ASTN2: variants seen among roughly 807,000 people sequenced by gnomAD.
ASTN2 encodes the protein astrotactin 2.
ASTN2 carries 54 observed loss-of-function variants against 139.8 expected under a neutral mutation model. The observed-to-expected ratio is 0.39, with a 90% CI of 0.31 to 0.48. The LOEUF (loss-of-function observed/expected upper bound fraction) is 0.48, where lower values mean the gene tolerates loss of function less well. Among genes scored for constraint, ASTN2 ranks in the 20% least tolerant of loss-of-function variants. The probability of loss-of-function intolerance (pLI) is 0.95; values close to 1 mark genes in which losing one functional copy is unlikely to be tolerated. For synonymous variants in ASTN2, 756 were observed against 719.5 expected (o/e 1.05, Z -0.81); for missense variants, 1,565 against 1,725.1 (o/e 0.91, Z 1.64).
rs186663260 is a variant in ASTN2, at chr9:116,852,466, C to T, written c.2040+11117G>A. 4.4e-3 allele frequency among the ~76,000 whole-genome samples: 664 copies of T among 152,238 alleles called. 2 individuals carry two copies. The highest frequency in any genetic ancestry group is 6.8e-3 in the Non-Finnish European group (461 of 68,024). On this transcript the variant is annotated intron_variant, in intron 11 of 22. Transcript: ENST00000313400. ...TAACTAGCCCATCTCTCTCTAGGAACGTCTGTCACTCAGTTCGGGTAGAAT... is the reference window on the plus strand; with the variant it reads ...TAACTAGCCCATCTCTCTCTAGGAATGTCTGTCACTCAGTTCGGGTAGAAT...
chr9:116,521,658 T>A (rs1009900946), intron 19 of ASTN2, among the ~76,000 whole-genome samples: 1 of 151,980 alleles, frequency 6.6e-6, no homozygotes, highest in Non-Finnish European at 1.5e-5. Context: ...TAAATAGGAC[T>A]TACTTAAACT....
chr9:116,546,274 A>G (rs1587977172), intron 19 of ASTN2: 1 of 152,300 alleles, frequency 6.6e-6, no homozygotes, highest in East Asian at 1.9e-4. Flanking sequence ...ATTACAGATG[A>G]CATTCCTTAT....
At position 116,850,996 on chromosome 9, in the gene ASTN2, C is replaced by T. The variant is rs183852477; in HGVS notation, c.2040+12587G>A. Among the ~76,000 whole-genome samples the T allele has an allele frequency of 2.0e-5, 3 of 152,286 alleles. No individual in the cohort carries two copies. In the East Asian group the frequency reaches 5.8e-4, roughly 29 times the overall value. ...TATGGACTCTTTGCTAGTTAGGACA[C>T]AGTATCTTTCTAATGTTAGGGCCCA... On this transcript the variant is annotated intron_variant, in intron 11 of 22. Transcript: ENST00000313400.
intron 16 of ASTN2, among the ~76,000 whole-genome samples, chr9:116,706,698 A>T (rs913823578): frequency 6.6e-6 from 1 of 151,026 alleles, no homozygotes; most frequent in African/African-American, 2.4e-5. Context: ...CTAGGAGATG[A>T]CCACTACCAC....
At chr9:116,898,625 C>G (rs903640334) in intron 10 of ASTN2, among the ~76,000 whole-genome samples, 4 of 152,098 alleles carry the variant, frequency 2.6e-5, no homozygotes, top group Non-Finnish European at 4.4e-5. Flanking sequence ...GCTCTCTTAT[C>G]TGTGTTTTTT....
At chr9:116,638,290 C>A (rs1857168706) in intron 17 of ASTN2, among the ~76,000 whole-genome samples, 1 of 152,158 alleles carries the variant, frequency 6.6e-6, no homozygotes, top group Admixed American at 6.5e-5. Context: ...CCATCTCATG[C>A]AATACAGTAT....
At chr9:116,601,043 C>T (rs1392653938) in intron 19 of ASTN2, among the ~76,000 whole-genome samples, 1 of 152,110 alleles carries the variant, frequency 6.6e-6, no homozygotes, top group Non-Finnish European at 1.5e-5. Flanking sequence ...CCTGCCTTCA[C>T]CAACCAAAAT....
chr9:117,094,144 G>A (rs62562215), intron 5 of ASTN2, among the ~76,000 whole-genome samples: 1 of 48,330 alleles, frequency 2.1e-5, no homozygotes, highest in Non-Finnish European at 4.7e-5. Context: ...CTAAGGGAGG[G>A]AGGGAGGGAG....
chr9:117,184,363 G>T (rs1831146883), intron 3 of ASTN2, among the ~76,000 whole-genome samples: 1 of 152,194 alleles, frequency 6.6e-6, no homozygotes, highest in African/African-American at 2.4e-5. Flanking sequence ...GTGATGAACA[G>T]CGCCAATCAG....
At chr9:117,115,031 A>G (rs1442601126) in intron 4 of ASTN2, among the ~76,000 whole-genome samples, 1 of 152,172 alleles carries the variant, frequency 6.6e-6, no homozygotes, top group Non-Finnish European at 1.5e-5. Flanking sequence ...CCCCGAAGCA[A>G]GAACTGCCCA....
chr9:116,698,129 G>C lies in ASTN2; in HGVS notation c.2806+27642C>G. The C allele has an allele frequency of 6.2e-7, 1 of 1,614,142 alleles. No individual in the cohort carries two copies. Among genetic ancestry groups the C allele is most frequent in the Non-Finnish European group, 8.5e-7 (1 of 1,180,028 alleles). On this transcript the variant is annotated intron_variant, in intron 16 of 22. Transcript: ENST00000313400. This position sits in a 1 kb window ranked among gnomAD's most constrained non-coding sequence, Gnocchi z 4.4. Reference sequence around the variant, plus strand: ...AGCCCTGCCGGGAGGCAGACCATCAGCCTCCTGGCCACTGTACACTCCCTG... The same window carrying C: ...AGCCCTGCCGGGAGGCAGACCATCACCCTCCTGGCCACTGTACACTCCCTG...
At chr9:116,908,003 C>T (rs1172545841) in intron 10 of ASTN2, among the ~76,000 whole-genome samples, 5 of 152,088 alleles carry the variant, frequency 3.3e-5, no homozygotes, top group East Asian at 1.9e-4. Flanking sequence ...TAGCTAAATG[C>T]GGATAGCCTC....
In ASTN2 at chr9:117,008,221, T is replaced by A. The variant is rs757567218; in HGVS notation, c.1462A>T (p.Ile488Phe). ...TTGGCCGGGTTTAACCAGTCGGAGATGTCCAGGTAGCTCCCTTCACTCACC... is the reference window on the plus strand; with the variant it reads ...TTGGCCGGGTTTAACCAGTCGGAGAAGTCCAGGTAGCTCCCTTCACTCACC... ...FVVSEGSYLD[I>F]SDWLNPAKLS... The change falls in exon 7 of 23, where the codon ATC becomes TTC. Residue 488 changes from isoleucine (I) to phenylalanine (F), a missense_variant. Physicochemically the swap from Ile to Phe is conservative, Grantham distance 21 (BLOSUM62 0). Around this residue, in one of 4 missense-constraint regions of ASTN2, gnomAD observed 503 missense variants for 591.7 expected, o/e 0.85. Coordinates refer to ENST00000313400, the MANE Select transcript of ASTN2 (RefSeq NM_001365068.1). The A allele has an allele frequency of 1.9e-6, 3 of 1,608,980 alleles. No homozygotes were observed. In the East Asian group the frequency reaches 6.7e-5, roughly 36 times the overall value.
chr9:117,136,909 G>A (rs56135617), intron 4 of ASTN2, among the ~76,000 whole-genome samples: 31,210 of 152,120 alleles, frequency 0.21, 3,648 homozygotes, highest in Middle Eastern at 0.33. Context: ...GGAAAACAGA[G>A]CTCTTATTAA....
At chr9:117,370,576 T>C (rs1440568274) in intron 1 of ASTN2, among the ~76,000 whole-genome samples, 1 of 152,206 alleles carries the variant, frequency 6.6e-6, no homozygotes, top group Non-Finnish European at 1.5e-5. Flanking sequence ...AAGTAGGTAC[T>C]ATTATAGCTC....
chr9:116,854,924 T>A (rs1832699785), intron 11 of ASTN2, among the ~76,000 whole-genome samples: 2 of 151,974 alleles, frequency 1.3e-5, no homozygotes, highest in Non-Finnish European at 2.9e-5. Flanking sequence ...AGTGCTAGGA[T>A]TACAGGTTTG....
chr9:116,720,027 G>T lies in ASTN2; in HGVS notation c.2806+5744C>A, dbSNP rs547086691. Among the ~76,000 whole-genome samples, 18 of 152,230 alleles carry T rather than the reference G, an allele frequency of 1.2e-4. No individual in the cohort carries two copies. In the South Asian group the frequency reaches 3.7e-3, roughly 32 times the overall value. On this transcript the variant is annotated intron_variant, in intron 16 of 22. Transcript: ENST00000313400. ...CCATCTTAAAAGCAAGTTCCCTCGG[G>T]AAACTGAAGGCTCTGGAGAATTATC...
intron 19 of ASTN2, among the ~76,000 whole-genome samples, chr9:116,496,358 C>A (rs563597619): frequency 6.6e-6 from 1 of 152,248 alleles, no homozygotes; most frequent in Non-Finnish European, 1.5e-5. Flanking sequence ...AGAACACTTT[C>A]GTTTGAATTC....
At chr9:116,609,361 T>A (rs1169404736) in intron 19 of ASTN2, among the ~76,000 whole-genome samples, 2 of 111,770 alleles carry the variant, frequency 1.8e-5, no homozygotes, top group Non-Finnish European at 3.6e-5. Context: ...CATATATACA[T>A]GAATTATATA....
Sources: allele counts gnomAD v4.1 joint callset (sites outside exome capture counted in the v4.1 genomes callset), GRCh38; gene constraint gnomAD v4.1.1; regional missense constraint gnomAD v4.1.1; non-coding constraint Gnocchi (gnomAD v3.1); transcripts MANE v1.5; gene names NCBI Gene and HGNC (gene_info 2026-07-23, HGNC 2026-07-21).